The following EYA4 variants were observed in gnomAD, a reference collection of about 807,000 sequenced individuals.
EYA4 encodes protein phosphatase EYA4.
EYA4 carries 31 observed loss-of-function variants against 87.9 expected under a neutral mutation model. The observed-to-expected ratio is 0.35, with a 90% CI of 0.27 to 0.48. EYA4 has a LOEUF of 0.48. Among genes scored for constraint, EYA4 ranks in the 20% least tolerant of loss-of-function variants. The probability of loss-of-function intolerance (pLI) is 0.99; values close to 1 mark genes in which losing one functional copy is unlikely to be tolerated. For synonymous variants in EYA4, 263 were observed against 270.6 expected, an observed-to-expected ratio of 0.97 and a Z score of 0.28; for missense variants, 678 against 761.4, an observed-to-expected ratio of 0.89 and a Z score of 1.29.
At chr6:133,524,062 G>A (rs1800416542) in intron 18 of EYA4, among the ~76,000 whole-genome samples, 1 of 152,112 alleles carries the variant, frequency 6.6e-6, no homozygotes. Flanking sequence ...GTTAAGGAGA[G>A]CCAAGCTTCC....
chr6:133,315,488 A>T (rs985879773), intron 2 of EYA4, among the ~76,000 whole-genome samples: 3 of 152,290 alleles, frequency 2.0e-5, no homozygotes, highest in Non-Finnish European at 4.4e-5. Context: ...ATCTACCGTT[A>T]TGTGAGGTTG....
At chr6:133,253,297 C>A (rs971076480) in intron 1 of EYA4, among the ~76,000 whole-genome samples, 1 of 152,028 alleles carries the variant, frequency 6.6e-6, no homozygotes, top group Non-Finnish European at 1.5e-5. Context: ...GCACAGCGAA[C>A]CACAGGTCCA....
intron 2 of EYA4, among the ~76,000 whole-genome samples, chr6:133,326,321 T>C (rs1198816775): frequency 1.3e-5 from 2 of 152,132 alleles, no homozygotes; most frequent in Admixed American, 1.3e-4. Flanking sequence ...ACTGAAATGC[T>C]CCAAAATCTG....
intron 2 of EYA4, among the ~76,000 whole-genome samples, chr6:133,298,286 TTGTC>T (rs1157281226): frequency 1.3e-5 from 2 of 152,210 alleles, no homozygotes; most frequent in East Asian, 3.9e-4. Flanking sequence ...GCTTTATACT[TTGTC>T]TGCTCCAGAT....
Position 133,302,247 on chromosome 6 carries a change from C to T in EYA4, c.33+27434C>T, listed in dbSNP as rs1779468762. ...CTTTTTTTTTAAATAAATAAATAAA[C>T]CAAAGATTTCTCTAGCAATGGTGTA... On this transcript the variant is annotated intron_variant, in intron 2 of 19. Coordinates refer to ENST00000355286, the MANE Select transcript of EYA4 (RefSeq NM_004100.5). Among the ~76,000 whole-genome samples, 3 of 151,882 alleles carry T rather than the reference C, an allele frequency of 2.0e-5. No individual in the cohort carries two copies. In the South Asian group the frequency reaches 6.3e-4, roughly 32 times the overall value.
intron 2 of EYA4, among the ~76,000 whole-genome samples, chr6:133,296,074 G>A (rs1446115517): frequency 1.3e-5 from 2 of 152,146 alleles, no homozygotes; most frequent in African/African-American, 4.8e-5. Flanking sequence ...TGACATTTGA[G>A]CACAGGCCTG....
intron 2 of EYA4, among the ~76,000 whole-genome samples, chr6:133,343,512 G>C (rs1782954571): frequency 6.6e-6 from 1 of 151,408 alleles, no homozygotes; most frequent in South Asian, 2.1e-4. Context: ...TTCCCTAGCA[G>C]ATAGCCTCCC....
At chr6:133,319,914 T>C (rs530731486) in intron 2 of EYA4, among the ~76,000 whole-genome samples, 2 of 152,090 alleles carry the variant, frequency 1.3e-5, no homozygotes, top group East Asian at 3.9e-4. Flanking sequence ...AGACAGAGTT[T>C]TGTAGCCCAG....
intron 2 of EYA4, among the ~76,000 whole-genome samples, chr6:133,279,818 A>G (rs1777479762): frequency 6.6e-6 from 1 of 152,162 alleles, no homozygotes; most frequent in Non-Finnish European, 1.5e-5. Flanking sequence ...TAACTATTGT[A>G]TAGAATTGAA....
intron 2 of EYA4, among the ~76,000 whole-genome samples, chr6:133,350,372 C>A (rs1043682914): frequency 1.3e-5 from 2 of 152,008 alleles, no homozygotes; most frequent in African/African-American, 4.8e-5. Flanking sequence ...AGTACATAAA[C>A]AAAATGTTCT....
At chr6:133,351,365 CTTG>C (rs1249585331) in intron 2 of EYA4, among the ~76,000 whole-genome samples, 7 of 152,186 alleles carry the variant, frequency 4.6e-5, no homozygotes, top group Non-Finnish European at 1.0e-4. Context: ...TTTGCACAGT[CTTG>C]TTGTGTTTCA....
rs1798006281 is a variant in EYA4 at position 133,500,371 on chromosome 6, A to G, written c.1192-5735A>G. Reference sequence around the variant, plus strand: ...CCTCCTTATGTACCACTATAACCCTACTTTTCCATAACGCCTCTCTATCCT... The same window carrying G: ...CCTCCTTATGTACCACTATAACCCTGCTTTTCCATAACGCCTCTCTATCCT... On this transcript the variant is annotated intron_variant, in intron 13 of 19. Transcript: ENST00000355286. 2.6e-5 allele frequency among the ~76,000 whole-genome samples: 4 copies of G among 151,962 alleles called. No homozygotes were observed. The South Asian group carries it at 6.3e-4, about 24-fold the overall frequency.
chr6:133,396,712 G>T (rs1044209809), intron 3 of EYA4, among the ~76,000 whole-genome samples: 27 of 152,146 alleles, frequency 1.8e-4, no homozygotes, highest in African/African-American at 6.3e-4. Context: ...GGGTGTGTTT[G>T]TGTGTGTGTC....
chr6:133,483,387 A>T (rs561856466), intron 13 of EYA4, among the ~76,000 whole-genome samples: 49 of 150,276 alleles, frequency 3.3e-4, no homozygotes, highest in African/African-American at 1.2e-3. Flanking sequence ...TAATTATTTT[A>T]GAAAAAAAAT....
At position 133,294,023 on chromosome 6, in the gene EYA4, T is replaced by TTATATATATATATATATATA. The variant is rs71771244; in HGVS notation, c.33+19231_33+19250dup. ...AATTCCTGTGCTCCCTAGGGTGATT[T>TTATATATATATATATATATA]TATATATATATATATATATATATAT... On this transcript the variant is annotated intron_variant, in intron 2 of 19. Transcript: ENST00000355286. 1.9e-3 allele frequency among the ~76,000 whole-genome samples: 153 copies of TTATATATATATATATATATA among 78,696 alleles called. 2 individuals carry two copies. Among genetic ancestry groups the TTATATATATATATATATATA allele is most frequent in the Middle Eastern group, 0.017 (2 of 116 alleles). The allele number at this position is 78,696 out of a possible 152,430, so 51.6% of individuals were successfully genotyped here. A position where few individuals can be genotyped will look rare whatever the true frequency, so the allele number is the denominator to read the frequency against.
chr6:133,464,818 A>G lies in EYA4; in HGVS notation c.764A>G (p.Asn255Ser), dbSNP rs1001114966. The part of the protein sequence containing the change: ...FAPSSTIYAN[N>S]SVSNSTNFSG... ...CCATCATCTACTATTTATGCAAATA[A>G]TTCAGTTTCCAATTCAACGAATTTC... is the stretch of plus-strand genomic sequence containing the variant. The change falls in exon 10 of 20, where the codon AAT becomes AGT. Residue 255 changes from asparagine to serine, a missense_variant. Physicochemically the swap from Asn to Ser is conservative, Grantham distance 46. Transcript: ENST00000355286. The G allele has an allele frequency of 6.2e-7, 1 of 1,611,788 alleles. No individual in the cohort carries two copies. Among genetic ancestry groups the G allele is most frequent in the Non-Finnish European group, 8.5e-7 (1 of 1,178,534 alleles).
At chr6:133,328,286 T>C (rs1781661130) in intron 2 of EYA4, among the ~76,000 whole-genome samples, 1 of 152,192 alleles carries the variant, frequency 6.6e-6, no homozygotes. Context: ...ACTATTATTA[T>C]TGTTATTATT....
intron 1 of EYA4, chr6:133,247,587 T>C (rs536047438): frequency 6.6e-6 from 1 of 152,338 alleles, no homozygotes; most frequent in African/African-American, 2.4e-5. Context: ...AGGTTTTCTG[T>C]AGGTAAATAC....
At chr6:133,383,930 G>A (rs375760347) in intron 3 of EYA4, among the ~76,000 whole-genome samples, 44 of 152,234 alleles carry the variant, frequency 2.9e-4, no homozygotes, top group African/African-American at 1.0e-3. Context: ...CTAAGTATTT[G>A]CAGACCTATA....
Sources: allele counts gnomAD v4.1 joint callset (sites outside exome capture counted in the v4.1 genomes callset), GRCh38; gene constraint gnomAD v4.1.1; transcripts MANE v1.5; gene names NCBI Gene and HGNC (gene_info 2026-07-23, HGNC 2026-07-21).